CAT: variants seen among roughly 807,000 people sequenced by gnomAD.
The protein encoded by CAT is epididymis secretory sperm binding protein.
A neutral mutation model predicts 59.0 loss-of-function variants in CAT; 43 were observed. The ratio of observed to expected loss-of-function variants is 0.73; its 90% confidence interval spans 0.57 to 0.94. The LOEUF (loss-of-function observed/expected upper bound fraction) is 0.94, where lower values mean the gene tolerates loss of function less well. CAT is among the 40% of genes least tolerant of loss of function. The pLI, the probability that CAT is intolerant of heterozygous loss-of-function variation, is 0.00. For synonymous variants in CAT, 218 were observed against 230.9 expected, an observed-to-expected ratio of 0.94 and a Z score of 0.51; for missense variants, 664 against 682.9, an observed-to-expected ratio of 0.97 and a Z score of 0.31.
intron 8 of CAT, among the ~76,000 whole-genome samples, chr11:34,457,880 T>A (rs1358951192): frequency 6.6e-6 from 1 of 152,272 alleles, no homozygotes; most frequent in Non-Finnish European, 1.5e-5. Flanking sequence ...GGTTTCAGTC[T>A]GCATGGAGGA....
At position 34,471,385 on chromosome 11, in the gene CAT, T is replaced by G. The variant is rs1457649908; in HGVS notation, c.1536T>G (p.Phe512Leu). ...AEKPKNAIHT[F>L]VQSGSHLAAR... ...TAAAACAGAATGCGATTCACACCTT[T>G]GTGCAGTCCGGATCTCACTTGGCGG... is the stretch of plus-strand genomic sequence containing the variant. The change falls in exon 13 of 13, where the codon TTT (phenylalanine) becomes TTG (leucine). Residue 512 changes from phenylalanine (F) to leucine (L), a missense_variant. Transcript: ENST00000241052. The G allele has an allele frequency of 6.2e-7, 1 of 1,614,004 alleles. No homozygotes were observed. Among genetic ancestry groups the G allele is most frequent in the Non-Finnish European group, 8.5e-7 (1 of 1,179,852 alleles).
chr11:34,470,043 A>G (rs1156384483), intron 11 of CAT, among the ~76,000 whole-genome samples: 1 of 152,092 alleles, frequency 6.6e-6, no homozygotes, highest in Non-Finnish European at 1.5e-5. Context: ...CTATAACTCA[A>G]TTCAATTCTA....
Position 34,456,958 on chromosome 11 carries a change from G to T in CAT, c.1056+141G>T. On this transcript the variant is annotated intron_variant, in intron 8 of 12. Transcript: ENST00000241052. ...TTTAATCTGGGTGCTTGGTTACCTT[G>T]TGGGATTCACTGAGGTGAACTATTC... 3.4e-6 allele frequency: 3 copies of T among 885,346 alleles called. No homozygotes were observed. The South Asian group carries it at 4.4e-5, about 13-fold the overall frequency. The allele number at this position is 885,346 out of a possible 1,614,324, so 54.8% of individuals were successfully genotyped here. A position where few individuals can be genotyped will look rare whatever the true frequency, so the allele number is the denominator to read the frequency against.
chr11:34,455,832 T>C (rs1218990134), intron 6 of CAT, among the ~76,000 whole-genome samples, 179 bp from the exon 7 acceptor site: 1 of 152,224 alleles, frequency 6.6e-6, no homozygotes, highest in Non-Finnish European at 1.5e-5. Flanking sequence ...ATTGGGATAA[T>C]CAAGTAGAAT....
At chr11:34,463,858 A>G (rs543428851) in intron 9 of CAT, among the ~76,000 whole-genome samples, 1 of 152,300 alleles carries the variant, frequency 6.6e-6, no homozygotes, top group African/African-American at 2.4e-5. Context: ...GGACTTTGAG[A>G]TTCATTCATA....
intron 1 of CAT, among the ~76,000 whole-genome samples, chr11:34,441,800 T>TA (rs1335933306): frequency 1.4e-5 from 2 of 147,356 alleles, no homozygotes; most frequent in Non-Finnish European, 2.9e-5. Flanking sequence ...TCTTAAAAAT[T>TA]AAAAATAAAT....
intron 11 of CAT, chr11:34,470,672 T>G (rs1288334287): frequency 7.0e-6 from 3 of 426,802 alleles, no homozygotes; most frequent in South Asian, 2.1e-5. Flanking sequence ...AATAGTATTT[T>G]TAAAATTATA....
chr11:34,457,043 CAT>C, intron 8 of CAT: 7 of 315,518 alleles, frequency 2.2e-5, no homozygotes, highest in East Asian at 1.2e-4. Context: ...AAGATCCCTA[CAT>C]ATGTGAAGAC....
At chr11:34,456,881 T>C (rs1035800375) in intron 8 of CAT, 64 bp downstream of exon 8, 14 of 1,519,442 alleles carry the variant, frequency 9.2e-6, no homozygotes, top group Admixed American at 8.4e-5. Flanking sequence ...ACACAAAATA[T>C]GCAGCTTGGC....
Position 34,461,330 on chromosome 11 carries a change from A to G in CAT, c.1136A>G (p.Tyr379Cys), listed in dbSNP as rs146556996. 1.4e-5 allele frequency: 22 copies of G among 1,614,064 alleles called. No homozygotes were observed. Among genetic ancestry groups the G allele is most frequent in the Admixed American group, 8.3e-5 (5 of 60,000 alleles). Residue 379 changes from tyrosine (Y) to cysteine (C), a missense_variant, in exon 9 of 13, where the codon TAC (tyrosine) becomes TGC (cysteine). Physicochemically the swap from Tyr to Cys is radical, Grantham distance 194. Coordinates refer to ENST00000241052, the MANE Select transcript of CAT (RefSeq NM_001752.4). The stretch of plus-strand genomic sequence containing the variant: ...CTTCATATACCTGTGAACTGTCCCT[A>G]CCGTGCTCGAGTGGCCAACTACCAG... ...NYLHIPVNCPYRARVANYQRD... is the reference protein window; with the variant it reads ...NYLHIPVNCPCRARVANYQRD...
At position 34,439,034 on chromosome 11, in the gene CAT, C is replaced by T. The variant is rs773526579; in HGVS notation, c.21C>T (p.Pro7=). The part of the protein sequence containing the change: MADSRD[P]ASDQMQHWKE... Reference sequence around the variant, plus strand: ...ACGCTATGGCTGACAGCCGGGATCCCGCCAGCGACCAGATGCAGCACTGGA... The same window carrying T: ...ACGCTATGGCTGACAGCCGGGATCCTGCCAGCGACCAGATGCAGCACTGGA... The change falls in exon 1 of 13, where the codon CCC becomes CCT. Residue 7 remains proline (P), a synonymous_variant. Coordinates refer to ENST00000241052, the MANE Select transcript of CAT (RefSeq NM_001752.4). 11 of 1,598,210 alleles carry T rather than the reference C, an allele frequency of 6.9e-6. No homozygotes were observed. In the South Asian group the frequency reaches 7.9e-5, roughly 11 times the overall value.
Position 34,460,388 on chromosome 11 carries a change from T to C in CAT, c.1057-863T>C, listed in dbSNP as rs1157111530. On this transcript the variant is annotated intron_variant, in intron 8 of 12. Transcript: ENST00000241052. ...GTTATTGTTGTTTATATCTAGAAAG[T>C]CTCAGAGCTCAAAGTGTTTCTGAGA... 7.2e-5 allele frequency among the ~76,000 whole-genome samples: 11 copies of C among 151,894 alleles called. No homozygotes were observed. The South Asian group carries it at 1.7e-3, about 23-fold the overall frequency.
chr11:34,445,328 A>G (rs1191354976), intron 1 of CAT, among the ~76,000 whole-genome samples: 2 of 151,638 alleles, frequency 1.3e-5, no homozygotes, highest in Non-Finnish European at 2.9e-5. Context: ...CCCTGTCTTT[A>G]CTAAAAATAC....
At chr11:34,468,652 C>T in intron 11 of CAT, 1 of 552,040 alleles carries the variant, frequency 1.8e-6, no homozygotes, top group Non-Finnish European at 3.2e-6. Flanking sequence ...GAATTTTGTC[C>T]TATTCTGTTT....
intron 1 of CAT, among the ~76,000 whole-genome samples, chr11:34,446,606 C>G (rs17886810): frequency 3.0e-4 from 46 of 152,304 alleles, no homozygotes; most frequent in African/African-American, 1.1e-3. Flanking sequence ...GTGATGTGCT[C>G]TCATCTCTGC....
intron 10 of CAT, 90 bp downstream of exon 10, chr11:34,464,325 C>A: frequency 5.6e-6 from 7 of 1,249,836 alleles, no homozygotes; most frequent in Non-Finnish European, 8.2e-6. Context: ...AATGCCCCAA[C>A]TGTCTGATGT....
intron 1 of CAT, among the ~76,000 whole-genome samples, chr11:34,440,572 T>G (rs1000626183): frequency 1.3e-5 from 2 of 151,850 alleles, no homozygotes; most frequent in Non-Finnish European, 2.9e-5. Context: ...CTTTTCTTTT[T>G]TTTTTTTTGA....
At chr11:34,454,106 T>C (rs1856562224) in intron 6 of CAT, among the ~76,000 whole-genome samples, 180 bp downstream of exon 6, 1 of 152,208 alleles carries the variant, frequency 6.6e-6, no homozygotes, top group Admixed American at 6.5e-5. Context: ...CTGAGGACCT[T>C]GGAGCGTATC....
intron 1 of CAT, among the ~76,000 whole-genome samples, chr11:34,447,126 G>C (rs1262714999): frequency 1.3e-5 from 2 of 152,128 alleles, no homozygotes; most frequent in Non-Finnish European, 2.9e-5. Flanking sequence ...GAACAGATTT[G>C]GTTTGCTCTG....
Sources: allele counts gnomAD v4.1 joint callset (sites outside exome capture counted in the v4.1 genomes callset), GRCh38; gene constraint gnomAD v4.1.1; transcripts MANE v1.5; gene names NCBI Gene and HGNC (gene_info 2026-07-23, HGNC 2026-07-21).